GPC6: variants seen among roughly 807,000 people sequenced by gnomAD.
GPC6 encodes glypican 6.
In GPC6, 14 loss-of-function variants were observed where a neutral mutation model predicts 55.2. The ratio of observed to expected loss-of-function variants is 0.25; its 90% confidence interval spans 0.17 to 0.40. GPC6 has a LOEUF of 0.40. Ranked by LOEUF, GPC6 falls within the 10% of genes least tolerant of loss-of-function variation. The pLI, the probability that GPC6 is intolerant of heterozygous loss-of-function variation, is 1.00. For synonymous variants in GPC6, 278 were observed against 259.6 expected (o/e 1.07, Z -0.68); for missense variants, 641 against 708.5 (o/e 0.90, Z 1.08).
rs189564551 is a variant in GPC6 at position 94,114,537 on chromosome 13, T to A, written c.877+86643T>A. ...GCATGATCTATTAGGCTGGGAAGTT[T>A]GGTTCTGTCTAAAAAATACAGAATT... On this transcript the variant is annotated intron_variant, in intron 4 of 8. Coordinates refer to ENST00000377047, the MANE Select transcript of GPC6 (RefSeq NM_005708.5). Among the ~76,000 whole-genome samples the A allele has an allele frequency of 2.9e-4, 44 of 152,248 alleles. 1 individual carries two copies. Among genetic ancestry groups the A allele is most frequent in the East Asian group, 1.9e-3 (10 of 5,164 alleles).
At chr13:93,904,477 G>A (rs1203981227) in intron 3 of GPC6, among the ~76,000 whole-genome samples, 1 of 152,156 alleles carries the variant, frequency 6.6e-6, no homozygotes, top group African/African-American at 2.4e-5. Context: ...TCTGTCAGAA[G>A]TGGAAAAACT....
chr13:93,603,326 T>C (rs1878103346), intron 2 of GPC6, among the ~76,000 whole-genome samples: 1 of 152,172 alleles, frequency 6.6e-6, no homozygotes, highest in African/African-American at 2.4e-5. Flanking sequence ...GTATTATTTC[T>C]TGTTAGCCAT....
intron 4 of GPC6, among the ~76,000 whole-genome samples, chr13:94,054,053 C>G (rs576312301): frequency 3.3e-5 from 5 of 151,986 alleles, no homozygotes; most frequent in Non-Finnish European, 5.9e-5. Flanking sequence ...GATTAAAAGT[C>G]CTAGAAGTCA....
At chr13:93,226,391 T>C (rs916818332), upstream of GPC6, among the ~76,000 whole-genome samples, 4 of 152,188 alleles carry the variant, frequency 2.6e-5, no homozygotes, top group Admixed American at 6.5e-5. Flanking sequence ...CAGTCTGTAA[T>C]GTGTGCCTTT....
At chr13:93,434,767 C>T (rs1332193012) in intron 1 of GPC6, among the ~76,000 whole-genome samples, 2 of 151,428 alleles carry the variant, frequency 1.3e-5, no homozygotes, top group Non-Finnish European at 2.9e-5. Context: ...AGTGCAGTGG[C>T]ATGATCTCAG....
intron 1 of GPC6, among the ~76,000 whole-genome samples, chr13:93,352,632 C>T (rs1880672136): frequency 6.6e-6 from 1 of 151,900 alleles, no homozygotes; most frequent in Non-Finnish European, 1.5e-5. Context: ...CCATGGGGAT[C>T]AATTTGGTTG....
intron 1 of GPC6, among the ~76,000 whole-genome samples, chr13:93,451,694 T>C: frequency 6.6e-6 from 1 of 152,208 alleles, no homozygotes; most frequent in Non-Finnish European, 1.5e-5. Context: ...CAATCCTTAC[T>C]AAATGATTGT....
At chr13:93,885,971 A>T (rs1464265032) in intron 3 of GPC6, among the ~76,000 whole-genome samples, 1 of 152,078 alleles carries the variant, frequency 6.6e-6, no homozygotes, top group East Asian at 1.9e-4. Context: ...GAAAATGTAG[A>T]GAAGGCACTG....
intron 4 of GPC6, among the ~76,000 whole-genome samples, chr13:94,124,028 G>A (rs1173274275): frequency 6.6e-6 from 1 of 152,036 alleles, no homozygotes; most frequent in Admixed American, 6.6e-5. Flanking sequence ...AAAATGGGGA[G>A]GGGGAATCAT....
Position 94,403,664 on chromosome 13 carries a change from T to C in GPC6, c.*447T>C. 8.7e-6 allele frequency: 2 copies of C among 229,654 alleles called. No individual in the cohort carries two copies. The highest frequency in any genetic ancestry group is 1.3e-4 in the South Asian group (2 of 15,762). The allele number at this position is 229,654 out of a possible 1,614,324, so 14.2% of individuals were successfully genotyped here. ...AGCAAACAGAGAAAAATAAATGAACTTTAACACTGTAAGTTCAGCATTGAC... is the reference window on the plus strand; with the variant it reads ...AGCAAACAGAGAAAAATAAATGAACCTTAACACTGTAAGTTCAGCATTGAC... On this transcript the variant is annotated 3_prime_UTR_variant, in exon 9 of 9. Coordinates refer to ENST00000377047, the MANE Select transcript of GPC6 (RefSeq NM_005708.5).
At chr13:93,868,147 G>C (rs1052146136) in intron 3 of GPC6, among the ~76,000 whole-genome samples, 2 of 151,550 alleles carry the variant, frequency 1.3e-5, no homozygotes, top group Admixed American at 6.6e-5. Flanking sequence ...AATATTTTTG[G>C]GTTAGACCAC....
upstream of GPC6, among the ~76,000 whole-genome samples, chr13:93,225,867 C>T (rs1055538740): frequency 2.0e-5 from 3 of 152,114 alleles, no homozygotes; most frequent in East Asian, 1.9e-4. Context: ...CACATAGCCA[C>T]GTAAGTGAAT....
intron 4 of GPC6, among the ~76,000 whole-genome samples, chr13:94,241,655 A>G (rs1891057079): frequency 6.6e-6 from 1 of 152,146 alleles, no homozygotes; most frequent in Non-Finnish European, 1.5e-5. Context: ...TAAAACAGAA[A>G]AAGGAGGGGG....
chr13:94,157,912 G>A (rs1464012636), intron 4 of GPC6, among the ~76,000 whole-genome samples: 1 of 152,104 alleles, frequency 6.6e-6, no homozygotes, highest in Non-Finnish European at 1.5e-5. Context: ...CAGGAAAGGG[G>A]GAGTCAAGGA....
chr13:93,701,154 A>T (rs1051224421), intron 2 of GPC6, among the ~76,000 whole-genome samples: 1 of 152,118 alleles, frequency 6.6e-6, no homozygotes, highest in Non-Finnish European at 1.5e-5. Context: ...CATCCCAGGG[A>T]CATTTCTGCA....
At chr13:93,356,023 A>T (rs1197753482) in intron 1 of GPC6, among the ~76,000 whole-genome samples, 9 of 152,020 alleles carry the variant, frequency 5.9e-5, no homozygotes, top group Admixed American at 5.9e-4. Context: ...CATGAGGAAG[A>T]CCTGGTTTAA....
chr13:93,329,621 T>A (rs1247754012), intron 1 of GPC6, among the ~76,000 whole-genome samples: 1 of 152,158 alleles, frequency 6.6e-6, no homozygotes, highest in Non-Finnish European at 1.5e-5. Context: ...TGGTTTAAAG[T>A]GTGGAGAGCC....
At chr13:93,327,299 G>A (rs996015507) in intron 1 of GPC6, among the ~76,000 whole-genome samples, 14 of 152,090 alleles carry the variant, frequency 9.2e-5, no homozygotes, top group African/African-American at 3.1e-4. Context: ...TTTCCAGTGT[G>A]GTTATTTCTC....
chr13:93,265,094 T>A (rs1052770141), intron 1 of GPC6, among the ~76,000 whole-genome samples: 1 of 152,222 alleles, frequency 6.6e-6, no homozygotes, highest in Non-Finnish European at 1.5e-5. Flanking sequence ...GCTCATTATA[T>A]GCTTAAATGC....
Sources: gnomAD v4.1 joint callset for allele counts (sites outside exome capture counted in the v4.1 genomes callset) on GRCh38, gnomAD v4.1.1 for gene constraint, MANE v1.5 for transcripts, NCBI Gene and HGNC (gene_info 2026-07-23, HGNC 2026-07-21) for gene names.